The following ARID3B variants were observed in gnomAD, a reference collection of about 807,000 sequenced individuals.
ARID3B encodes the protein AT-rich interaction domain 3B, also known as AT-rich interactive domain-containing protein 3B.
Under a neutral mutation model 51.9 loss-of-function variants are expected in ARID3B, and 10 were observed. The observed-to-expected ratio is 0.19, with a 90% CI of 0.12 to 0.33. The LOEUF (loss-of-function observed/expected upper bound fraction) is 0.33, where lower values mean the gene tolerates loss of function less well. Ranked by LOEUF, ARID3B falls within the 10% of genes least tolerant of loss-of-function variation. ARID3B has a pLI of 1.00. For synonymous variants in ARID3B, 205 were observed against 279.5 expected (o/e 0.73, Z 2.66); for missense variants, 483 against 716.3 (o/e 0.67, Z 3.72).
intron 2 of ARID3B, among the ~76,000 whole-genome samples, chr15:74,548,165 G>A (rs1280054513): frequency 2.6e-5 from 4 of 152,202 alleles, no homozygotes; most frequent in African/African-American, 9.7e-5. Flanking sequence ...AAAGAACTGA[G>A]TGTTCCTTTT....
intron 2 of ARID3B, among the ~76,000 whole-genome samples, chr15:74,555,143 A>G (rs1014039718): frequency 6.6e-6 from 1 of 152,176 alleles, no homozygotes; most frequent in African/African-American, 2.4e-5. Context: ...AATTAAAGTA[A>G]TACTTTATTA....
At chr15:74,564,206 C>T (rs1243878592) in intron 2 of ARID3B, among the ~76,000 whole-genome samples, 1 of 152,220 alleles carries the variant, frequency 6.6e-6, no homozygotes, top group African/African-American at 2.4e-5. Context: ...TTGCTTATAA[C>T]AGTATCTGTT....
At chr15:74,589,739 C>CT in intron 4 of ARID3B, 81 bp from the exon 5 acceptor site, 1 of 1,414,030 alleles carries the variant, frequency 7.1e-7, no homozygotes, top group Non-Finnish European at 9.7e-7. Context: ...TCCAGCTCGG[C>CT]TAAAGGTGGG....
chr15:74,553,044 C>G (rs1323296601), intron 2 of ARID3B, among the ~76,000 whole-genome samples: 1 of 152,184 alleles, frequency 6.6e-6, no homozygotes, highest in East Asian at 1.9e-4. Flanking sequence ...ATTTTGCATT[C>G]CCGTCAGCAG....
chr15:74,594,093 T>G (rs1386124335), intron 8 of ARID3B, among the ~76,000 whole-genome samples: 1 of 152,020 alleles, frequency 6.6e-6, no homozygotes, highest in African/African-American at 2.4e-5. Flanking sequence ...CAGCAGTCCT[T>G]TTCCCATTCC....
chr15:74,569,068 C>T (rs866628521), intron 2 of ARID3B, among the ~76,000 whole-genome samples: 2 of 152,080 alleles, frequency 1.3e-5, no homozygotes, highest in Non-Finnish European at 2.9e-5. Context: ...AGTCAGCATC[C>T]GAGAAAAAAT....
chr15:74,597,929 C>G lies in ARID3B; in HGVS notation c.*2155C>G, dbSNP rs1040592984. 12 of 530,720 alleles carry G rather than the reference C, an allele frequency of 2.3e-5. No homozygotes were observed. Among genetic ancestry groups the G allele is most frequent in the African/African-American group, 1.9e-4 (10 of 53,630 alleles). 32.9% of individuals were successfully genotyped at this position (530,720 alleles called of 1,614,324 possible). ...GCAGAGCTTCCCCTGAAGGTGCCAT[C>G]AGCCAGGGCAGCTCTGTCCCCTCCT... On this transcript the variant is annotated 3_prime_UTR_variant, in exon 9 of 9. Transcript: ENST00000346246.
rs1390144579 is a variant in ARID3B at position 74,556,760 on chromosome 15, CTT to C, written c.552+12279_552+12280del. On this transcript the variant is annotated intron_variant, in intron 2 of 8. Coordinates refer to ENST00000346246, the MANE Select transcript of ARID3B (RefSeq NM_006465.4). ...GGGCTCACTTTCCTTTTCCTTTTTT[CTT>C]TTTTTTGTTTTTTGTTTTTTTTTTT... Among the ~76,000 whole-genome samples the C allele has an allele frequency of 2.8e-5, 4 of 142,186 alleles. No individual in the cohort carries two copies. The East Asian group carries it at 8.7e-4, about 31-fold the overall frequency. The allele number at this position is 142,186 out of a possible 152,430, so 93.3% of individuals were successfully genotyped here. A position where few individuals can be genotyped will look rare whatever the true frequency, so the allele number is the denominator to read the frequency against.
chr15:74,545,680 A>G (rs1596248527), intron 2 of ARID3B, among the ~76,000 whole-genome samples: 1 of 152,324 alleles, frequency 6.6e-6, no homozygotes, highest in African/African-American at 2.4e-5. Flanking sequence ...ATTTGTGAAA[A>G]GCTGTGGGTT....
rs557167590 is a variant in ARID3B at position 74,590,127 on chromosome 15, T to C, written c.881+124T>C. The C allele has an allele frequency of 5.1e-5, 60 of 1,172,434 alleles. No individual in the cohort carries two copies. In the Admixed American group the frequency reaches 8.9e-4, roughly 17 times the overall value. 72.6% of individuals were successfully genotyped at this position (1,172,434 alleles called of 1,614,324 possible). A position where few individuals can be genotyped will look rare whatever the true frequency, so the allele number is the denominator to read the frequency against. On this transcript the variant is annotated intron_variant, in intron 5 of 8. Transcript: ENST00000346246. ...CAAGATGAGTGGATTCCCGAAACAG[T>C]GGGGAGCTTTCTGAGATGAATCCCT...
Position 74,579,866 on chromosome 15 carries a change from TGTGTGTGC to T in ARID3B, c.697+6664_697+6671del, listed in dbSNP as rs1352412554. Among the ~76,000 whole-genome samples the T allele has an allele frequency of 5.7e-3, 722 of 126,684 alleles. 11 individuals carry two copies. Among genetic ancestry groups the T allele is most frequent in the African/African-American group, 0.023 (692 of 29,636 alleles). The allele number at this position is 126,684 out of a possible 152,430, so 83.1% of individuals were successfully genotyped here. A position where few individuals can be genotyped will look rare whatever the true frequency, so the allele number is the denominator to read the frequency against. On this transcript the variant is annotated intron_variant, in intron 4 of 8. Transcript: ENST00000346246. ...GTGTGTGTGTGTGTGTGTGTGTGTG[TGTGTGTGC>T]GCGCGCGCGCACACGCAAAAAATAC...
chr15:74,594,553 C>T (rs2061816913), intron 8 of ARID3B, among the ~76,000 whole-genome samples: 1 of 152,264 alleles, frequency 6.6e-6, no homozygotes, highest in Non-Finnish European at 1.5e-5. Context: ...GTCAGCCAGC[C>T]TGGCAAGGTG....
chr15:74,579,828 C>CCTGTGTGTGTGT (rs774894759), intron 4 of ARID3B, among the ~76,000 whole-genome samples: 1 of 137,768 alleles, frequency 7.3e-6, no homozygotes, highest in Non-Finnish European at 1.6e-5. Context: ...CACCTGTTGC[C>CCTGTGTGTGTGT]GTGTGTGTGT....
chr15:74,573,033 C>G (rs1318391617), intron 3 of ARID3B, 99 bp from the exon 4 acceptor site: 3 of 1,584,618 alleles, frequency 1.9e-6, no homozygotes, highest in Non-Finnish European at 2.6e-6. Flanking sequence ...CAGTGAGTTG[C>G]ATTTGTAGTG....
chr15:74,584,696 C>T (rs1411713538), intron 4 of ARID3B, among the ~76,000 whole-genome samples: 1 of 152,244 alleles, frequency 6.6e-6, no homozygotes, highest in Non-Finnish European at 1.5e-5. Context: ...ACCCCTATCC[C>T]CAGCTACATC....
At chr15:74,548,782 A>C (rs2061625021) in intron 2 of ARID3B, among the ~76,000 whole-genome samples, 1 of 152,158 alleles carries the variant, frequency 6.6e-6, no homozygotes, top group South Asian at 2.1e-4. Context: ...AAGCAAAGGA[A>C]GCTCCATGAC....
intron 4 of ARID3B, among the ~76,000 whole-genome samples, chr15:74,588,303 A>C (rs955416698): frequency 1.3e-5 from 2 of 151,878 alleles, no homozygotes; most frequent in African/African-American, 4.8e-5. Context: ...CCATGCCCAC[A>C]GTGCTTCCTT....
chr15:74,598,020 A>C lies in ARID3B; in HGVS notation c.*2246A>C. The C allele has an allele frequency of 1.9e-6, 1 of 531,410 alleles. No homozygotes were observed. The highest frequency in any genetic ancestry group is 3.7e-6 in the Non-Finnish European group (1 of 272,946). 32.9% of individuals were successfully genotyped at this position (531,410 alleles called of 1,614,324 possible). On this transcript the variant is annotated 3_prime_UTR_variant, in exon 9 of 9. Coordinates refer to ENST00000346246, the MANE Select transcript of ARID3B (RefSeq NM_006465.4). ...TAGCACATGGGTAGCCTAGGCAGTG[A>C]GTAAATACCTCAGATGTCCTCCTGC...
chr15:74,591,052 C>T lies in ARID3B; in HGVS notation c.882-99C>T. ...GGTTGCAATCCTTTGCCCTAGAGTCCTGCCCAACAGAGACTGCTTCCAGAG... is the reference window on the plus strand; with the variant it reads ...GGTTGCAATCCTTTGCCCTAGAGTCTTGCCCAACAGAGACTGCTTCCAGAG... On this transcript the variant is annotated intron_variant, in intron 5 of 8. Transcript: ENST00000346246. The surrounding 1 kb of genome is among the most constrained non-coding windows in gnomAD (Gnocchi z 5.8). The T allele has an allele frequency of 6.6e-7, 1 of 1,505,080 alleles. No homozygotes were observed. Among genetic ancestry groups the T allele is most frequent in the Non-Finnish European group, 8.9e-7 (1 of 1,124,334 alleles). The allele number at this position is 1,505,080 out of a possible 1,614,324, so 93.2% of individuals were successfully genotyped here.
Sources: gnomAD v4.1 joint callset for allele counts (sites outside exome capture counted in the v4.1 genomes callset) on GRCh38, gnomAD v4.1.1 for gene constraint, Gnocchi (gnomAD v3.1) non-coding constraint, MANE v1.5 for transcripts, NCBI Gene and HGNC (gene_info 2026-07-23, HGNC 2026-07-21) for gene names.